Variants in MCUB observed in about 807,000 individuals in gnomAD.
The protein encoded by MCUB is mitochondrial calcium uniporter dominant negative subunit beta, also known as calcium uniporter regulatory subunit MCUb, mitochondrial.
In MCUB, 46 loss-of-function variants were observed where a neutral mutation model predicts 41.4. The observed-to-expected ratio is 1.11, with a 90% CI of 0.88 to 1.42. The LOEUF (loss-of-function observed/expected upper bound fraction) is 1.42, where lower values mean the gene tolerates loss of function less well. Ranked by LOEUF, MCUB falls within the 40% of genes most tolerant of loss-of-function variation. MCUB has a pLI of 0.00. For missense variants in MCUB, 403 were observed against 404.9 expected, an observed-to-expected ratio of 1.00 and a Z score of 0.04; for synonymous variants, 148 against 148.2, an observed-to-expected ratio of 1.00 and a Z score of 0.01.
intron 1 of MCUB, among the ~76,000 whole-genome samples, chr4:109,619,042 A>G (rs537262992): frequency 1.6e-3 from 213 of 136,784 alleles, no homozygotes; most frequent in Admixed American, 3.8e-3. Context: ...CTACCTACCT[A>G]CCTACCTACC....
intron 1 of MCUB, among the ~76,000 whole-genome samples, chr4:109,563,366 C>T (rs917892493): frequency 4.6e-5 from 7 of 152,058 alleles, no homozygotes; most frequent in African/African-American, 9.7e-5. Context: ...GTTTAAATTC[C>T]ACCACAAGAT....
In MCUB at chr4:109,585,384, G is replaced by T. The variant is rs137876826; in HGVS notation, c.99+24948G>T. ...GTCTCCTGAATACAGCACACTGATG[G>T]GTCTTGAATCTTTATTCAATTTGCC... On this transcript the variant is annotated intron_variant, in intron 1 of 7. Coordinates refer to ENST00000394650, the MANE Select transcript of MCUB (RefSeq NM_017918.5). Among the ~76,000 whole-genome samples, 687 of 152,196 alleles carry T rather than the reference G, an allele frequency of 4.5e-3. 3 individuals carry two copies. The highest frequency in any genetic ancestry group is 7.0e-3 in the Admixed American group (107 of 15,270).
chr4:109,661,822 CAG>C (rs759722040), intron 3 of MCUB, among the ~76,000 whole-genome samples: 2 of 152,112 alleles, frequency 1.3e-5, no homozygotes, highest in Non-Finnish European at 2.9e-5. Context: ...CACCTGAGGT[CAG>C]GGGTTTGAAA....
At chr4:109,673,466 G>A (rs763642840) in intron 4 of MCUB, among the ~76,000 whole-genome samples, 6 of 152,194 alleles carry the variant, frequency 3.9e-5, no homozygotes, top group Non-Finnish European at 8.8e-5. Context: ...TGGGAGGTCA[G>A]TGAGCCCAGG....
At chr4:109,669,072 A>G (rs1032626399) in intron 4 of MCUB, among the ~76,000 whole-genome samples, 13 of 152,124 alleles carry the variant, frequency 8.5e-5, no homozygotes, top group Admixed American at 5.9e-4. Flanking sequence ...ATCAATTAAG[A>G]ATAATAAAAA....
Position 109,659,073 on chromosome 4 carries a change from G to A in MCUB, c.162G>A (p.Val54=). 6.6e-7 allele frequency: 1 copy of A among 1,507,798 alleles called. No homozygotes were observed. The highest frequency in any genetic ancestry group is 1.2e-5 in the South Asian group (1 of 83,100). 93.4% of individuals were successfully genotyped at this position (1,507,798 alleles called of 1,614,324 possible). A position where few individuals can be genotyped will look rare whatever the true frequency, so the allele number is the denominator to read the frequency against. ...ACCAGTCACACCATTATAGTACCGT[G>A]GTGCCACCTGATGGTAAGCTTTCTT... ...KYYQSHHYST[V]VPPDEITVIY... The change falls in exon 2 of 8, where the codon GTG becomes GTA. Residue 54 remains valine (V), a synonymous_variant. Coordinates refer to ENST00000394650, the MANE Select transcript of MCUB (RefSeq NM_017918.5).
chr4:109,562,709 G>A (rs183659737), intron 1 of MCUB, among the ~76,000 whole-genome samples: 148 of 152,328 alleles, frequency 9.7e-4, no homozygotes, highest in Non-Finnish European at 1.7e-3. Flanking sequence ...GCAAGGACTT[G>A]TCGTAAGCAG....
intron 1 of MCUB, among the ~76,000 whole-genome samples, chr4:109,641,320 G>A (rs1329150563): frequency 6.6e-6 from 1 of 150,528 alleles, no homozygotes; most frequent in Non-Finnish European, 1.5e-5. Context: ...TAGCCAGGAT[G>A]GTCTCGATCT....
chr4:109,567,897 C>T (rs1726819142), intron 1 of MCUB, among the ~76,000 whole-genome samples: 1 of 152,040 alleles, frequency 6.6e-6, no homozygotes, highest in African/African-American at 2.4e-5. Flanking sequence ...CAGGGTTTCA[C>T]TATATTGGTC....
intron 4 of MCUB, among the ~76,000 whole-genome samples, chr4:109,675,140 C>G (rs915504049): frequency 6.6e-6 from 1 of 152,124 alleles, no homozygotes; most frequent in African/African-American, 2.4e-5. Context: ...CATTTTTGGC[C>G]TTTATTAGGA....
At chr4:109,629,606 G>T (rs1047026943) in intron 1 of MCUB, among the ~76,000 whole-genome samples, 1 of 152,054 alleles carries the variant, frequency 6.6e-6, no homozygotes, top group African/African-American at 2.4e-5. Flanking sequence ...TCCTCTCCTC[G>T]GGTTCTATTA....
At chr4:109,672,501 T>TA in intron 4 of MCUB, among the ~76,000 whole-genome samples, 1 of 152,348 alleles carries the variant, frequency 6.6e-6, no homozygotes, top group Middle Eastern at 3.4e-3. Context: ...CAGTAAGCTA[T>TA]AATTATAGAC....
intron 1 of MCUB, among the ~76,000 whole-genome samples, chr4:109,610,201 CAGAAATACCGTCTA>C (rs1727975670): frequency 6.6e-6 from 1 of 152,178 alleles, no homozygotes; most frequent in African/African-American, 2.4e-5. Context: ...AGAGTAGGTC[CAGAAATACCGTCTA>C]AGAGCCAGTG....
At chr4:109,620,834 A>T (rs947361590) in intron 1 of MCUB, among the ~76,000 whole-genome samples, 1 of 152,010 alleles carries the variant, frequency 6.6e-6, no homozygotes, top group Non-Finnish European at 1.5e-5. Context: ...TTTACAGGTT[A>T]TGGGACTGAA....
chr4:109,567,693 G>C (rs1726814726), intron 1 of MCUB, among the ~76,000 whole-genome samples: 1 of 151,754 alleles, frequency 6.6e-6, no homozygotes, highest in Admixed American at 6.6e-5. Context: ...TATTTGAACA[G>C]GGGCTTTTTA....
Position 109,679,305 on chromosome 4 carries a change from G to A in MCUB, c.452-3277G>A, listed in dbSNP as rs189570826. On this transcript the variant is annotated intron_variant, in intron 4 of 7. Coordinates refer to ENST00000394650, the MANE Select transcript of MCUB (RefSeq NM_017918.5). The stretch of plus-strand genomic sequence containing the variant: ...GGGAGGCCAAGGCAGGCGGCTGGGA[G>A]GTGGAGGTTGTAGTGAGCCGAGATC... Among the ~76,000 whole-genome samples the A allele has an allele frequency of 9.8e-5, 15 of 152,352 alleles. No homozygotes were observed. The East Asian group carries it at 2.9e-3, about 29-fold the overall frequency.
rs554758919 is a variant in MCUB, at chr4:109,684,305, G to A, written c.613-138G>A. 838 of 580,082 alleles carry A rather than the reference G, an allele frequency of 1.4e-3. 14 individuals are homozygous for A. In the East Asian group the frequency reaches 0.025, roughly 17 times the overall value. The allele number at this position is 580,082 out of a possible 1,614,324, so 35.9% of individuals were successfully genotyped here. A position where few individuals can be genotyped will look rare whatever the true frequency, so the allele number is the denominator to read the frequency against. On this transcript the variant is annotated intron_variant, in intron 5 of 7. Coordinates refer to ENST00000394650, the MANE Select transcript of MCUB (RefSeq NM_017918.5). ...TCTCGATCTCCTGACCTCGTGATCC[G>A]CCCACCTCGGCCTCCCAGAGTGCTG...
At chr4:109,656,327 G>A (rs1215208839) in intron 1 of MCUB, among the ~76,000 whole-genome samples, 7 of 147,554 alleles carry the variant, frequency 4.7e-5, no homozygotes, top group African/African-American at 1.8e-4. Context: ...GAGAAGTAAA[G>A]GGAGGGGCTC....
At chr4:109,677,076 G>C (rs1579096109) in intron 4 of MCUB, among the ~76,000 whole-genome samples, 1 of 152,218 alleles carries the variant, frequency 6.6e-6, no homozygotes, top group Non-Finnish European at 1.5e-5. Flanking sequence ...AGATTTTGAG[G>C]ACCTAACCCC....
Sources: gnomAD v4.1 joint callset for allele counts (sites outside exome capture counted in the v4.1 genomes callset) on GRCh38, gnomAD v4.1.1 for gene constraint, MANE v1.5 for transcripts, NCBI Gene and HGNC (gene_info 2026-07-23, HGNC 2026-07-21) for gene names.